The following UNC13B variants were observed in gnomAD, a reference collection of about 807,000 sequenced individuals.
UNC13B encodes the protein unc-13 homolog B.
A neutral mutation model predicts 211.0 loss-of-function variants in UNC13B; 144 were observed. The observed-to-expected ratio is 0.68, with a 90% CI of 0.60 to 0.78. UNC13B has a LOEUF of 0.78. Among genes scored for constraint, UNC13B ranks in the 30% least tolerant of loss-of-function variants. UNC13B has a pLI of 0.00. For synonymous variants in UNC13B, 709 were observed against 725.8 expected, an observed-to-expected ratio of 0.98 and a Z score of 0.37; for missense variants, 1,777 against 2,002.0, an observed-to-expected ratio of 0.89 and a Z score of 2.14.
At chr9:35,378,937 C>T (rs903365717) in intron 17 of UNC13B, among the ~76,000 whole-genome samples, 1 of 152,198 alleles carries the variant, frequency 6.6e-6, no homozygotes, top group Non-Finnish European at 1.5e-5. Context: ...CTTCCTGCCT[C>T]AGCTTCTACA....
chr9:35,239,694 C>T (rs111414733), intron 5 of UNC13B, among the ~76,000 whole-genome samples: 2,229 of 152,256 alleles, frequency 0.015, 33 homozygotes, highest in Non-Finnish European at 0.023. Context: ...AAAAGACAGA[C>T]GTCCCCAAAG....
intron 1 of UNC13B, among the ~76,000 whole-genome samples, chr9:35,225,789 C>T (rs1824802548): frequency 6.6e-6 from 1 of 152,014 alleles, no homozygotes; most frequent in African/African-American, 2.4e-5. Context: ...CTAGGAATGC[C>T]AGTCTTTGGG....
chr9:35,248,382 T>G (rs1346577752), intron 6 of UNC13B, among the ~76,000 whole-genome samples: 3 of 152,206 alleles, frequency 2.0e-5, no homozygotes, highest in Non-Finnish European at 4.4e-5. Context: ...CTTAGTTATT[T>G]CTTGCCTTCT....
intron 5 of UNC13B, 150 bp downstream of exon 5, chr9:35,237,976 C>A: frequency 1.2e-6 from 1 of 809,764 alleles, no homozygotes; most frequent in Non-Finnish European, 1.9e-6. Context: ...AACACTTCAC[C>A]CAGGGAATGG....
chr9:35,191,630 G>T (rs115102488), intron 1 of UNC13B, among the ~76,000 whole-genome samples: 3 of 152,326 alleles, frequency 2.0e-5, no homozygotes, highest in African/African-American at 7.2e-5. Context: ...GCCCTTGATG[G>T]ATCAGCTGGC....
At chr9:35,245,367 A>G (rs1010711664) in intron 6 of UNC13B, among the ~76,000 whole-genome samples, 2 of 149,558 alleles carry the variant, frequency 1.3e-5, no homozygotes. Context: ...TTATTTTTAT[A>G]CTTTAAGTTT....
chr9:35,386,446 G>A (rs1835198600), intron 24 of UNC13B, among the ~76,000 whole-genome samples, 153 bp downstream of exon 24: 1 of 152,166 alleles, frequency 6.6e-6, no homozygotes, highest in Non-Finnish European at 1.5e-5. Context: ...TGGACCATGT[G>A]AGATATGTGG....
chr9:35,310,412 G>T (rs1199326931), intron 9 of UNC13B, 55 bp from the exon 10 acceptor site: 9 of 1,562,092 alleles, frequency 5.8e-6, no homozygotes, highest in African/African-American at 1.4e-5. Flanking sequence ...CCTTTCTTTT[G>T]TCCTGGTCCC....
intron 7 of UNC13B, among the ~76,000 whole-genome samples, chr9:35,288,501 G>C (rs1165442093): frequency 6.6e-6 from 1 of 152,082 alleles, no homozygotes; most frequent in African/African-American, 2.4e-5. Context: ...CCTTTTCTCA[G>C]TACTAATGCC....
At chr9:35,177,837 A>G (rs1029168257) in intron 1 of UNC13B, among the ~76,000 whole-genome samples, 1 of 152,196 alleles carries the variant, frequency 6.6e-6, no homozygotes, top group Admixed American at 6.5e-5. Context: ...AATTTCTAAA[A>G]CAGAAAAAAT....
chr9:35,323,160 T>C (rs1032653970), intron 11 of UNC13B, among the ~76,000 whole-genome samples: 7 of 152,040 alleles, frequency 4.6e-5, no homozygotes, highest in Non-Finnish European at 1.0e-4. Context: ...CCAAAACTTG[T>C]ATGTGTGTAT....
intron 17 of UNC13B, 31 bp downstream of exon 17, chr9:35,378,467 G>T (rs1412211073): frequency 3.7e-6 from 6 of 1,613,650 alleles, no homozygotes; most frequent in South Asian, 2.2e-5. Flanking sequence ...TCTTACCTGG[G>T]ACTGTGTGTA....
intron 1 of UNC13B, among the ~76,000 whole-genome samples, chr9:35,222,667 G>A (rs1444917766): frequency 1.3e-5 from 2 of 152,104 alleles, no homozygotes; most frequent in Non-Finnish European, 1.5e-5. Flanking sequence ...AGGGTATTTA[G>A]GATATCCATC....
chr9:35,344,570 G>T (rs981444938), intron 11 of UNC13B, among the ~76,000 whole-genome samples: 3 of 152,072 alleles, frequency 2.0e-5, no homozygotes, highest in African/African-American at 7.2e-5. Context: ...ATAAGACACA[G>T]CTTCCAATGT....
rs886846009 is a variant in UNC13B, at chr9:35,300,324, A to G, written c.920A>G (p.His307Arg). ...YSNTENCTLC[H>R]TEKKQNMGYP... ...AATACTGAAAATTGTACCCTTTGCC[A>G]TACTGAAAAGAAACAAAATATGGGG... The change falls in exon 9 of 40, where the codon CAT (histidine) becomes CGT (arginine). Residue 307 changes from histidine (H) to arginine (R), a missense_variant. By Grantham distance (29) the His-to-Arg change is conservative. Coordinates refer to ENST00000635942, the MANE Select transcript of UNC13B (RefSeq NM_001371189.2). 2 of 398,960 alleles carry G rather than the reference A, an allele frequency of 5.0e-6. No individual in the cohort carries two copies. The highest frequency in any genetic ancestry group is 3.6e-5 in the East Asian group (1 of 28,074). The allele number at this position is 398,960 out of a possible 1,614,324, so 24.7% of individuals were successfully genotyped here.
chr9:35,297,878 A>T (rs144116439), intron 8 of UNC13B, among the ~76,000 whole-genome samples: 205 of 151,796 alleles, frequency 1.4e-3, no homozygotes, highest in African/African-American at 4.7e-3. Flanking sequence ...GGTGATGTTT[A>T]GTTTGATCTC....
At chr9:35,311,974 C>T (rs1445751588) in intron 10 of UNC13B, among the ~76,000 whole-genome samples, 1 of 152,176 alleles carries the variant, frequency 6.6e-6, no homozygotes. Flanking sequence ...GCACTCGTGA[C>T]ATTTTGGGCC....
intron 11 of UNC13B, among the ~76,000 whole-genome samples, chr9:35,365,218 G>T (rs1380257531): frequency 6.6e-6 from 1 of 152,142 alleles, no homozygotes; most frequent in African/African-American, 2.4e-5. Context: ...CTGTGATTTG[G>T]GCCATAGTAA....
chr9:35,269,143 A>G (rs895231975), intron 7 of UNC13B, among the ~76,000 whole-genome samples: 2 of 152,178 alleles, frequency 1.3e-5, no homozygotes, highest in African/African-American at 2.4e-5. Flanking sequence ...TTAGAGACCA[A>G]TCATAAATCC....
Sources: allele counts gnomAD v4.1 joint callset (sites outside exome capture counted in the v4.1 genomes callset), GRCh38; gene constraint gnomAD v4.1.1; transcripts MANE v1.5; gene names NCBI Gene and HGNC (gene_info 2026-07-23, HGNC 2026-07-21).